NRP1: variants seen among roughly 807,000 people sequenced by gnomAD.
The protein encoded by NRP1 is neuropilin-1.
A neutral mutation model predicts 106.7 loss-of-function variants in NRP1; 35 were observed. The ratio of observed to expected loss-of-function variants is 0.33; its 90% CI spans 0.25 to 0.43. The LOEUF is 0.43. Among genes scored for constraint, NRP1 ranks in the 20% least tolerant of loss-of-function variants. NRP1 has a pLI of 1.00. For synonymous variants in NRP1, 437 were observed against 417.9 expected (o/e 1.05, Z -0.56); for missense variants, 1,024 against 1,170.4 (o/e 0.87, Z 1.83).
chr10:33,279,795 G>C (rs180872119), intron 2 of NRP1, among the ~76,000 whole-genome samples: 9 of 152,298 alleles, frequency 5.9e-5, no homozygotes, highest in Non-Finnish European at 1.0e-4. Flanking sequence ...GGGATCATCT[G>C]CTCCATCTTC....
chr10:33,302,371 C>T (rs1845862467), intron 2 of NRP1, among the ~76,000 whole-genome samples: 1 of 152,214 alleles, frequency 6.6e-6, no homozygotes, highest in South Asian at 2.1e-4. Context: ...CTAAGGATGG[C>T]TGGCCCACAG....
intron 12 of NRP1, among the ~76,000 whole-genome samples, chr10:33,195,269 A>G (rs1391555613): frequency 2.0e-5 from 3 of 152,188 alleles, no homozygotes; most frequent in African/African-American, 7.2e-5. Context: ...GTAGGTGATG[A>G]ATATACTCCG....
intron 10 of NRP1, among the ~76,000 whole-genome samples, chr10:33,204,536 A>G (rs535412342): frequency 6.6e-6 from 1 of 152,266 alleles, no homozygotes; most frequent in East Asian, 1.9e-4. Context: ...GCTACCTTTA[A>G]GTATTTAAAA....
intron 6 of NRP1, among the ~76,000 whole-genome samples, chr10:33,245,742 C>A (rs1164306056): frequency 1.3e-5 from 2 of 151,548 alleles, no homozygotes; most frequent in African/African-American, 4.9e-5. Context: ...GGGATTTAGA[C>A]AAAAGGATGC....
At chr10:33,237,049 T>C (rs889722069) in intron 6 of NRP1, among the ~76,000 whole-genome samples, 3 of 152,020 alleles carry the variant, frequency 2.0e-5, no homozygotes, top group Admixed American at 2.0e-4. Flanking sequence ...ACTGATAAAC[T>C]ATGGAGCCCA....
chr10:33,218,740 AG>A (rs1838987619), intron 8 of NRP1, among the ~76,000 whole-genome samples: 1 of 152,204 alleles, frequency 6.6e-6, no homozygotes, highest in Admixed American at 6.5e-5. Flanking sequence ...GATGTGTTCA[AG>A]CAGTAACCTT....
At chr10:33,201,489 G>A (rs1462376739) in intron 11 of NRP1, 1 of 152,214 alleles carries the variant, frequency 6.6e-6, no homozygotes, top group African/African-American at 2.4e-5. Context: ...GTTTGTGGCA[G>A]AGTGTTTACA....
intron 4 of NRP1, among the ~76,000 whole-genome samples, chr10:33,260,820 G>T (rs944352529): frequency 6.6e-6 from 1 of 152,032 alleles, no homozygotes; most frequent in Non-Finnish European, 1.5e-5. Context: ...ATTTAATTCA[G>T]TGTTTATGAT....
At chr10:33,214,866 AT>A (rs1427525424) in intron 8 of NRP1, among the ~76,000 whole-genome samples, 1 of 152,182 alleles carries the variant, frequency 6.6e-6, no homozygotes. Flanking sequence ...GTCTGAGACA[AT>A]TATAAAATTC....
intron 3 of NRP1, 66 bp from the exon 4 acceptor site, chr10:33,263,939 C>A: frequency 2.0e-6 from 2 of 1,018,110 alleles, no homozygotes; most frequent in Non-Finnish European, 3.1e-6. Flanking sequence ...CAAGAAATAA[C>A]CTGGGTAAAG....
At chr10:33,294,638 T>A (rs1449681417) in intron 2 of NRP1, among the ~76,000 whole-genome samples, 4 of 148,636 alleles carry the variant, frequency 2.7e-5, no homozygotes, top group East Asian at 2.0e-4. Flanking sequence ...AAAAAAAATC[T>A]ATGTCCTAAT....
intron 2 of NRP1, among the ~76,000 whole-genome samples, chr10:33,298,814 C>T (rs1305366937): frequency 1.3e-5 from 2 of 152,190 alleles, no homozygotes; most frequent in African/African-American, 4.8e-5. Context: ...CCACCAGGCA[C>T]ACCGTAGACA....
chr10:33,213,788 A>G (rs1838526072), intron 8 of NRP1, 71 bp from the exon 9 acceptor site: 1 of 1,140,178 alleles, frequency 8.8e-7, no homozygotes, highest in Non-Finnish European at 1.3e-6. Flanking sequence ...AATAAAATAC[A>G]ACATATGGAA....
intron 2 of NRP1, among the ~76,000 whole-genome samples, chr10:33,304,767 A>G (rs1195636361): frequency 6.6e-6 from 1 of 152,194 alleles, no homozygotes; most frequent in East Asian, 1.9e-4. Context: ...ACAGAAATGC[A>G]TGGCACTCCT....
chr10:33,294,407 C>T (rs1253975621), intron 2 of NRP1, among the ~76,000 whole-genome samples: 4 of 152,048 alleles, frequency 2.6e-5, no homozygotes, highest in Non-Finnish European at 4.4e-5. Context: ...CTCCTGAGGT[C>T]GGGAGTTCGA....
intron 2 of NRP1, among the ~76,000 whole-genome samples, chr10:33,304,027 T>TATA (rs1005837521): frequency 6.6e-6 from 1 of 152,216 alleles, no homozygotes; most frequent in African/African-American, 2.4e-5. Flanking sequence ...TCCTTCAAGC[T>TATA]ATAAATTGGG....
intron 15 of NRP1, among the ~76,000 whole-genome samples, chr10:33,185,198 A>G (rs1475596983): frequency 2.6e-5 from 4 of 152,256 alleles, no homozygotes; most frequent in African/African-American, 9.6e-5. Context: ...TCTATGGTTC[A>G]TTAACAATGC....
At chr10:33,199,756 G>T (rs978213075) in intron 11 of NRP1, among the ~76,000 whole-genome samples, 1 of 152,140 alleles carries the variant, frequency 6.6e-6, no homozygotes, top group African/African-American at 2.4e-5. Flanking sequence ...TGCCTACCAT[G>T]GAAAGTTCTG....
chr10:33,180,582 C>T (rs1835624706), intron 16 of NRP1, among the ~76,000 whole-genome samples: 1 of 152,194 alleles, frequency 6.6e-6, no homozygotes, highest in Non-Finnish European at 1.5e-5. Flanking sequence ...ACAACCCATT[C>T]TGGATCAACT....
Sources: gnomAD v4.1 joint callset for allele counts (sites outside exome capture counted in the v4.1 genomes callset) on GRCh38, gnomAD v4.1.1 for gene constraint, MANE v1.5 for transcripts, NCBI Gene and HGNC (gene_info 2026-07-23, HGNC 2026-07-21) for gene names.